The following ABTB3 variants were observed in gnomAD, a reference collection of about 807,000 sequenced individuals.
ABTB3 encodes ankyrin repeat- and BTB/POZ domain-containing protein 3.
chr12:107,630,761 C>A, the ABTB3 span, among the ~76,000 whole-genome samples: 1 of 152,212 alleles, frequency 6.6e-6, no homozygotes, highest in South Asian at 2.1e-4. Flanking sequence ...TTTTTTTAGG[C>A]CAGTTTTAGA....
At chr12:107,331,551 CT>C in the ABTB3 span, among the ~76,000 whole-genome samples, 1 of 152,158 alleles carries the variant, frequency 6.6e-6, no homozygotes, top group Non-Finnish European at 1.5e-5. Flanking sequence ...AGGTGGAAGG[CT>C]CCTTGTCAGC....
the ABTB3 span, among the ~76,000 whole-genome samples, chr12:107,459,140 C>A: frequency 0.081 from 12,335 of 152,270 alleles, 557 homozygotes; most frequent in South Asian, 0.14. Context: ...CTGCCCCCCA[C>A]AACCCTATGG....
At chr12:107,386,891 G>T in the ABTB3 span, among the ~76,000 whole-genome samples, 8 of 70,586 alleles carry the variant, frequency 1.1e-4, no homozygotes, top group East Asian at 2.1e-3. Flanking sequence ...GAAATGGAAA[G>T]TGTGTGTGTG....
chr12:107,496,324 C>G, the ABTB3 span, among the ~76,000 whole-genome samples: 1 of 152,154 alleles, frequency 6.6e-6, no homozygotes, highest in Admixed American at 6.5e-5. Flanking sequence ...GCTCCTTCTT[C>G]CTTCATTATT....
the ABTB3 span, among the ~76,000 whole-genome samples, chr12:107,411,042 G>T: frequency 1.3e-5 from 2 of 152,098 alleles, no homozygotes; most frequent in Non-Finnish European, 2.9e-5. Context: ...GCTCATGCCC[G>T]TAATCCCAAC....
At chr12:107,405,679 G>T in the ABTB3 span, among the ~76,000 whole-genome samples, 48 of 152,392 alleles carry the variant, frequency 3.1e-4, 1 homozygote, top group Non-Finnish European at 3.5e-4. Flanking sequence ...GGGAAGAGAA[G>T]CCGGTCCCTG....
the ABTB3 span, among the ~76,000 whole-genome samples, chr12:107,336,264 C>T: frequency 1.3e-5 from 2 of 152,214 alleles, no homozygotes; most frequent in Non-Finnish European, 1.5e-5. Flanking sequence ...TCCTGCATTC[C>T]CAAACGCTGA....
the ABTB3 span, among the ~76,000 whole-genome samples, chr12:107,604,428 CA>C: frequency 6.7e-6 from 1 of 148,836 alleles, no homozygotes; most frequent in East Asian, 1.9e-4. Context: ...GCATGGACAA[CA>C]GAGAGAAAAA....
the ABTB3 span, among the ~76,000 whole-genome samples, chr12:107,336,002 C>T: frequency 5.3e-5 from 8 of 152,196 alleles, no homozygotes; most frequent in Non-Finnish European, 8.8e-5. Context: ...ATTCTGCTCC[C>T]TCCCCACCAC....
chr12:107,652,551 G>A, the ABTB3 span, among the ~76,000 whole-genome samples: 1 of 152,170 alleles, frequency 6.6e-6, no homozygotes, highest in Non-Finnish European at 1.5e-5. Context: ...GCTTAATCAG[G>A]CAGACCCAAC....
the ABTB3 span, among the ~76,000 whole-genome samples, chr12:107,576,354 T>C: frequency 7.0e-3 from 1,070 of 152,276 alleles, 17 homozygotes; most frequent in African/African-American, 0.025. Flanking sequence ...ATTGATTTTC[T>C]CCCCATTCTG....
the ABTB3 span, among the ~76,000 whole-genome samples, chr12:107,416,225 T>C: frequency 1.3e-5 from 2 of 152,206 alleles, no homozygotes; most frequent in African/African-American, 2.4e-5. Context: ...CATATTTCCT[T>C]CCATTCCTTG....
At chr12:107,571,564 A>G in the ABTB3 span, among the ~76,000 whole-genome samples, 1 of 152,216 alleles carries the variant, frequency 6.6e-6, no homozygotes, top group Non-Finnish European at 1.5e-5. Flanking sequence ...CTCCCAGGAT[A>G]TGAAGCTGTA....
chr12:107,444,467 A>G, the ABTB3 span, among the ~76,000 whole-genome samples: 1 of 152,210 alleles, frequency 6.6e-6, no homozygotes, highest in African/African-American at 2.4e-5. Flanking sequence ...CATAGACTAG[A>G]TGCTGAAAAA....
chr12:107,649,137 G>C, the ABTB3 span: 1 of 1,402,396 alleles, frequency 7.1e-7, no homozygotes, highest in Admixed American at 1.7e-5. Flanking sequence ...CCTGAGTTGG[G>C]GCATCCACCG....
the ABTB3 span, among the ~76,000 whole-genome samples, chr12:107,580,116 G>T: frequency 6.6e-6 from 1 of 152,300 alleles, no homozygotes; most frequent in South Asian, 2.1e-4. Context: ...TATGGAATCA[G>T]AAACTCTGGG....
the ABTB3 span, chr12:107,318,785 G>C: frequency 1.2e-6 from 1 of 816,650 alleles, no homozygotes; most frequent in East Asian, 2.7e-5. Context: ...AGTTCCGGGA[G>C]GCAGCCGAAA....
the ABTB3 span, among the ~76,000 whole-genome samples, chr12:107,549,083 A>G: frequency 2.0e-5 from 3 of 152,328 alleles, no homozygotes; most frequent in Non-Finnish European, 4.4e-5. Context: ...TTGCAAACGG[A>G]ATGTACAGAC....
the ABTB3 span, among the ~76,000 whole-genome samples, chr12:107,561,641 T>C: frequency 6.6e-6 from 1 of 152,148 alleles, no homozygotes; most frequent in African/African-American, 2.4e-5. Flanking sequence ...CCTTGTGTCC[T>C]CCATAAAACT....
Sources: gnomAD v4.1 joint callset for allele counts (sites outside exome capture counted in the v4.1 genomes callset) on GRCh38, gnomAD v4.1.1 for gene constraint, MANE v1.5 for transcripts, NCBI Gene and HGNC (gene_info 2026-07-23, HGNC 2026-07-21) for gene names.